The following CNOT1 variants were observed in gnomAD, a reference collection of about 807,000 sequenced individuals.
CNOT1 encodes CCR4-associated factor 1.
Under a neutral mutation model 273.8 loss-of-function variants are expected in CNOT1, and 15 were observed. That is an observed-to-expected ratio of 0.05 (90% CI 0.04 to 0.08). The LOEUF is 0.08. Ranked by LOEUF, CNOT1 falls within the 10% of genes least tolerant of loss-of-function variation. The pLI is 1.00. For missense variants in CNOT1, 1,644 were observed against 2,912.2 expected, an observed-to-expected ratio of 0.56 and a Z score of 10.02; for synonymous variants, 1,022 against 1,005.5, an observed-to-expected ratio of 1.02 and a Z score of -0.31.
intron 31 of CNOT1, 194 bp downstream of exon 31, chr16:58,543,413 A>G (rs1186682970): frequency 3.5e-6 from 4 of 1,149,834 alleles, no homozygotes; most frequent in Non-Finnish European, 4.5e-6. Context: ...ATATAACAGA[A>G]AAAAAAAAAA....
chr16:58,588,007 TTAAA>T (rs2041931417), intron 3 of CNOT1, 129 bp from the exon 4 acceptor site: 1 of 990,522 alleles, frequency 1.0e-6, no homozygotes, highest in Non-Finnish European at 1.4e-6. Context: ...AATCGGCTCT[TTAAA>T]AATCTCGCCA....
intron 2 of CNOT1, among the ~76,000 whole-genome samples, chr16:58,591,739 A>G (rs1262333126): frequency 2.0e-5 from 3 of 151,526 alleles, no homozygotes; most frequent in Admixed American, 1.3e-4. Context: ...GGGCGACAAG[A>G]GCAAAACTCC....
At chr16:58,527,549 A>C (rs2039636950) in intron 44 of CNOT1, among the ~76,000 whole-genome samples, 2 of 152,042 alleles carry the variant, frequency 1.3e-5, no homozygotes, top group Non-Finnish European at 2.9e-5. Context: ...ATAAATACAA[A>C]TAAATAATAA....
chr16:58,564,589 G>T (rs1172212393), intron 16 of CNOT1, among the ~76,000 whole-genome samples: 3 of 152,004 alleles, frequency 2.0e-5, no homozygotes, highest in Non-Finnish European at 1.5e-5. Context: ...AAATAAAATG[G>T]GCACTTTAGA....
At chr16:58,525,881 T>C in intron 45 of CNOT1, 108 bp downstream of exon 45, 2 of 894,238 alleles carry the variant, frequency 2.2e-6, no homozygotes, top group Non-Finnish European at 3.5e-6. Context: ...ACCCAATTGA[T>C]GGAAATGACA....
At chr16:58,604,159 A>G (rs1264108498) in intron 1 of CNOT1, among the ~76,000 whole-genome samples, 1 of 152,220 alleles carries the variant, frequency 6.6e-6, no homozygotes, top group Non-Finnish European at 1.5e-5. Context: ...TACTACACAC[A>G]GCTGTAAACA....
chr16:58,559,747 A>G (rs748860622), intron 17 of CNOT1: 4 of 486,408 alleles, frequency 8.2e-6, no homozygotes, highest in South Asian at 5.8e-5. Flanking sequence ...TAGAAGCGCA[A>G]TATGTTGCTC....
At chr16:58,521,478 G>C (rs1413229560) in intron 47 of CNOT1, among the ~76,000 whole-genome samples, 161 bp from the exon 48 acceptor site, 6 of 152,190 alleles carry the variant, frequency 3.9e-5, no homozygotes, top group African/African-American at 4.8e-5. Flanking sequence ...AAATAGCACA[G>C]GTTGGAATAC....
At chr16:58,576,381 G>A in intron 14 of CNOT1, 82 bp downstream of exon 14, 2 of 1,584,170 alleles carry the variant, frequency 1.3e-6, no homozygotes, top group Middle Eastern at 1.8e-4. Context: ...AAAGTGCTGG[G>A]ATTACAGGCA....
At chr16:58,620,906 C>T (rs2043285206) in intron 1 of CNOT1, among the ~76,000 whole-genome samples, 1 of 151,918 alleles carries the variant, frequency 6.6e-6, no homozygotes, top group African/African-American at 2.4e-5. Context: ...ACAATATCCA[C>T]ATATTATTTG....
At chr16:58,534,432 A>C in intron 39 of CNOT1, 37 bp from the exon 40 acceptor site, 1 of 1,602,370 alleles carries the variant, frequency 6.2e-7, no homozygotes, top group Non-Finnish European at 8.5e-7. Context: ...ACAATGAGGT[A>C]ACACACACAA....
chr16:58,610,280 A>T (rs2042848482), intron 1 of CNOT1, among the ~76,000 whole-genome samples: 1 of 152,216 alleles, frequency 6.6e-6, no homozygotes, highest in Non-Finnish European at 1.5e-5. Flanking sequence ...CTAGCCAGGC[A>T]TGGTGGTAGA....
In CNOT1 at chr16:58,547,497, A is replaced by G; in HGVS notation, c.3639+69T>C. The G allele has an allele frequency of 6.5e-7, 1 of 1,548,118 alleles. No individual in the cohort carries two copies. Among genetic ancestry groups the G allele is most frequent in the Non-Finnish European group, 8.7e-7 (1 of 1,147,030 alleles). On this transcript the variant is annotated intron_variant, in intron 26 of 48. Coordinates refer to ENST00000317147, the MANE Select transcript of CNOT1 (RefSeq NM_016284.5). This position sits in a 1 kb window ranked among gnomAD's most constrained non-coding sequence, Gnocchi z 4.0. ...ACCCCAATAATCATTAAATAGCTCCAAACAGCCAATACTTGTAATCATAAT... is the reference window on the plus strand; with the variant it reads ...ACCCCAATAATCATTAAATAGCTCCGAACAGCCAATACTTGTAATCATAAT...
At chr16:58,534,741 C>T (rs2039874032) in intron 39 of CNOT1, among the ~76,000 whole-genome samples, 1 of 152,070 alleles carries the variant, frequency 6.6e-6, no homozygotes, top group South Asian at 2.1e-4. Flanking sequence ...ATTGTGGACT[C>T]CAAGGAGAAG....
Position 58,520,737 on chromosome 16 carries a change from C to CAGCATCTTCTAAATTTTG in CNOT1, c.*203_*220dup. 2 of 565,946 alleles carry CAGCATCTTCTAAATTTTG rather than the reference C, an allele frequency of 3.5e-6. No homozygotes were observed. Among genetic ancestry groups the CAGCATCTTCTAAATTTTG allele is most frequent in the Non-Finnish European group, 6.3e-6 (2 of 316,516 alleles). 35.1% of individuals were successfully genotyped at this position (565,946 alleles called of 1,614,324 possible). ...TTACACAAGTTCAAAATGATATTCA[C>CAGCATCTTCTAAATTTTG]AGCATCTTCTAAATTTTGGCCAAGA... On this transcript the variant is annotated 3_prime_UTR_variant, in exon 49 of 49. Coordinates refer to ENST00000317147, the MANE Select transcript of CNOT1 (RefSeq NM_016284.5).
chr16:58,580,446 T>C (rs1183070786), intron 12 of CNOT1, among the ~76,000 whole-genome samples, 187 bp downstream of exon 12: 1 of 152,078 alleles, frequency 6.6e-6, no homozygotes, highest in Non-Finnish European at 1.5e-5. Flanking sequence ...TTACAAGATA[T>C]AACTAACGAT....
At chr16:58,533,878 C>T (rs2039851760) in intron 40 of CNOT1, among the ~76,000 whole-genome samples, 1 of 151,970 alleles carries the variant, frequency 6.6e-6, no homozygotes, top group African/African-American at 2.4e-5. Context: ...GCCTGTAATC[C>T]CAGCACTACG....
At position 58,547,518 on chromosome 16, in the gene CNOT1, A is replaced by C. The variant is rs192786268; in HGVS notation, c.3639+48T>G. ...CTCCAAACAGCCAATACTTGTAATC[A>C]TAATGTGCTGAAGATTCTCAATTTT... On this transcript the variant is annotated intron_variant, in intron 26 of 48. Transcript: ENST00000317147. This position sits in a 1 kb window ranked among gnomAD's most constrained non-coding sequence, Gnocchi z 4.0. 37 of 1,573,832 alleles carry C rather than the reference A, an allele frequency of 2.4e-5. No homozygotes were observed. In the African/African-American group the frequency reaches 4.5e-4, roughly 19 times the overall value.
At chr16:58,594,430 G>C (rs1014146835) in intron 2 of CNOT1, among the ~76,000 whole-genome samples, 2 of 152,156 alleles carry the variant, frequency 1.3e-5, no homozygotes, top group Non-Finnish European at 2.9e-5. Flanking sequence ...TGGAGGTAAT[G>C]AAAATGTTCT....
Sources: gnomAD v4.1 joint callset for allele counts (sites outside exome capture counted in the v4.1 genomes callset) on GRCh38, gnomAD v4.1.1 for gene constraint, Gnocchi (gnomAD v3.1) non-coding constraint, MANE v1.5 for transcripts, NCBI Gene and HGNC (gene_info 2026-07-23, HGNC 2026-07-21) for gene names.